Variants in FIGNL2 observed in about 807,000 individuals in gnomAD.
The protein encoded by FIGNL2 is fidgetin like 2.
For synonymous variants in FIGNL2, 565 were observed against 484.0 expected (o/e 1.17, Z -2.20); for missense variants, 1,060 against 950.2 (o/e 1.12, Z -1.52).
Position 51,820,940 on chromosome 12 carries a change from C to G in FIGNL2, c.1474G>C (p.Glu492Gln). The change falls in exon 2 of 2, where the codon GAG becomes CAG. Residue 492 changes from glutamate to glutamine, a missense_variant. Coordinates refer to ENST00000618634, the MANE Select transcript of FIGNL2 (RefSeq NM_001384995.1). ...CGGGCGGGGAGCAGCGCCTCTAGCT[C>G]GCTGATGAGGAGTACGGAGGGTGGG... ...CRPPSVLLIS[E>Q]LEALLPARDD... is the part of the protein sequence containing the mutation. The G allele has an allele frequency of 1.5e-6, 2 of 1,305,682 alleles. No homozygotes were observed. Among genetic ancestry groups the G allele is most frequent in the Non-Finnish European group, 1.9e-6 (2 of 1,035,326 alleles). The allele number at this position is 1,305,682 out of a possible 1,614,324, so 80.9% of individuals were successfully genotyped here.
chr12:51,821,853 G>A lies in FIGNL2; in HGVS notation c.561C>T (p.Leu187=). The change falls in exon 2 of 2, where the codon CTC becomes CTT. Residue 187 remains leucine, a synonymous_variant. Transcript: ENST00000618634. ...ACCCCGGAGGCGGTGGGGGCTGCAG[G>A]AGCGCGGCCGGGGGCGGCGGGGGCA... ...AALPPPPPAA[L]LQPPPPPGYG... is the part of the protein sequence containing the mutation. 7.7e-7 allele frequency: 1 copy of A among 1,293,626 alleles called. No homozygotes were observed. Among genetic ancestry groups the A allele is most frequent in the Non-Finnish European group, 9.8e-7 (1 of 1,023,906 alleles). The allele number at this position is 1,293,626 out of a possible 1,614,324, so 80.1% of individuals were successfully genotyped here. A position where few individuals can be genotyped will look rare whatever the true frequency, so the allele number is the denominator to read the frequency against.
At chr12:51,835,918 C>T (rs984873808) in intron 1 of FIGNL2, among the ~76,000 whole-genome samples, 1 of 151,906 alleles carries the variant, frequency 6.6e-6, no homozygotes, top group African/African-American at 2.4e-5. Context: ...GTGATTGATT[C>T]TCCTGCCTCA....
chr12:51,820,782 C>T lies in FIGNL2; in HGVS notation c.1632G>A (p.Ala544=), dbSNP rs1025569199. ...AGCGGAGAGAGAAGCGCCGGCGGGT[C>T]GCCTCGTCCAGAGCCGCGGGCCGCG... ...TTSRPAALDE[A]TRRRFSLRFY... The change falls in exon 2 of 2, where the codon GCG becomes GCA. Residue 544 remains alanine, a synonymous_variant. Coordinates refer to ENST00000618634, the MANE Select transcript of FIGNL2 (RefSeq NM_001384995.1). The T allele has an allele frequency of 2.0e-6, 3 of 1,479,864 alleles. No homozygotes were observed. Among genetic ancestry groups the T allele is most frequent in the African/African-American group, 2.9e-5 (2 of 68,264 alleles). The allele number at this position is 1,479,864 out of a possible 1,614,324, so 91.7% of individuals were successfully genotyped here. A position where few individuals can be genotyped will look rare whatever the true frequency, so the allele number is the denominator to read the frequency against.
At chr12:51,834,214 C>T (rs1344721947) in intron 1 of FIGNL2, among the ~76,000 whole-genome samples, 1 of 150,514 alleles carries the variant, frequency 6.6e-6, no homozygotes, top group Non-Finnish European at 1.5e-5. Context: ...TTTGAGTGTA[C>T]ATGTGATGGT....
In FIGNL2 at chr12:51,844,812, G is replaced by A. The variant is rs187297664; in HGVS notation, c.-12+3728C>T. 10 of 985,424 alleles carry A rather than the reference G, an allele frequency of 1.0e-5. No homozygotes were observed. In the East Asian group the frequency reaches 6.8e-4, roughly 67 times the overall value. The allele number at this position is 985,424 out of a possible 1,614,324, so 61.0% of individuals were successfully genotyped here. ...ACCAGCCCAGACCCTGACCCAGCCA[G>A]TGTGAACTCTTCCCACTTAAAGGCT... On this transcript the variant is annotated intron_variant, in intron 1 of 1. Transcript: ENST00000618634.
chr12:51,823,679 C>T (rs1342447017), intron 1 of FIGNL2: 2 of 152,220 alleles, frequency 1.3e-5, no homozygotes, highest in Admixed American at 6.5e-5. Flanking sequence ...CACCCAGCAA[C>T]AGTCGATGCC....
At position 51,822,222 on chromosome 12, in the gene FIGNL2, T is replaced by A; in HGVS notation, c.192A>T (p.Ala64=). 1 of 1,611,698 alleles carries A rather than the reference T, an allele frequency of 6.2e-7. No individual in the cohort carries two copies. The highest frequency in any genetic ancestry group is 8.5e-7 in the Non-Finnish European group (1 of 1,179,034). ...AATCCAAGACCCCAGAGTACTTCTC[T>A]GCATAGCGCTTTAGGAGGTTGGAGG... ...LTASNLLKRY[A]EKYSGVLDSP... is the part of the protein sequence containing the mutation. The change falls in exon 2 of 2, where the codon GCA becomes GCT. Residue 64 remains alanine (A), a synonymous_variant. Coordinates refer to ENST00000618634, the MANE Select transcript of FIGNL2 (RefSeq NM_001384995.1).
intron 1 of FIGNL2, among the ~76,000 whole-genome samples, chr12:51,827,942 A>G (rs1565944391): frequency 1.3e-5 from 2 of 152,184 alleles, no homozygotes. Context: ...TCAGGGTCAC[A>G]TGGCTGTTAC....
rs191980705 is a variant in FIGNL2, at chr12:51,824,901, G to A, written c.-11-2477C>T. Among the ~76,000 whole-genome samples, 401 of 152,170 alleles carry A rather than the reference G, an allele frequency of 2.6e-3. 2 individuals carry two copies. The highest frequency in any genetic ancestry group is 9.2e-3 in the African/African-American group (382 of 41,508). ...TGTACTAAAAATACAAAAATTAGCC[G>A]GGCGTAGTGGCGGGTGCCTGTCATC... On this transcript the variant is annotated intron_variant, in intron 1 of 1. Coordinates refer to ENST00000618634, the MANE Select transcript of FIGNL2 (RefSeq NM_001384995.1).
In FIGNL2 at chr12:51,822,031, G is replaced by A. The variant is rs1041979252; in HGVS notation, c.383C>T (p.Ala128Val). The A allele has an allele frequency of 3.1e-6, 5 of 1,605,184 alleles. No individual in the cohort carries two copies. The East Asian group carries it at 9.0e-5, about 29-fold the overall frequency. ...GGCTAAAACTGGGGAGCCCCCCAGG[G>A]CCCCGGAACCGCCGCCACCGCCCGA... ...TKSGGGGGSGALGGSPVLAGN... is the reference protein window; with the variant it reads ...TKSGGGGGSGVLGGSPVLAGN... Residue 128 changes from alanine to valine, a missense_variant, in exon 2 of 2, where the codon GCC (alanine) becomes GTC (valine). By Grantham distance (64) the Ala-to-Val change is moderately conservative. Coordinates refer to ENST00000618634, the MANE Select transcript of FIGNL2 (RefSeq NM_001384995.1).
At chr12:51,834,570 G>T (rs1273574229) in intron 1 of FIGNL2, among the ~76,000 whole-genome samples, 1 of 152,230 alleles carries the variant, frequency 6.6e-6, no homozygotes, top group Non-Finnish European at 1.5e-5. Context: ...TGGGAGATGT[G>T]GTGAGGGGTG....
intron 1 of FIGNL2, among the ~76,000 whole-genome samples, chr12:51,822,715 G>T (rs534382820): frequency 6.6e-6 from 1 of 152,334 alleles, no homozygotes; most frequent in African/African-American, 2.4e-5. Flanking sequence ...TTTTTGTCCT[G>T]GCCACTCCAG....
At position 51,821,373 on chromosome 12, in the gene FIGNL2, C is replaced by G; in HGVS notation, c.1041G>C (p.Lys347Asn). Residue 347 changes from lysine (K) to asparagine (N), a missense_variant, in exon 2 of 2, where the codon AAG (lysine) becomes AAC (asparagine). Transcript: ENST00000618634. ...GAGGAGCCGGGGCCCGCTCCGGGAA[C>G]TTTTCAAAGGGCTCCAGTTGCGGGC... ...VYGPQLEPFE[K>N]FPERAPAPRG... 1 of 1,507,370 alleles carries G rather than the reference C, an allele frequency of 6.6e-7. No homozygotes were observed. Among genetic ancestry groups the G allele is most frequent in the South Asian group, 1.2e-5 (1 of 80,590 alleles). The allele number at this position is 1,507,370 out of a possible 1,614,324, so 93.4% of individuals were successfully genotyped here.
rs552970468 is a variant in FIGNL2 at position 51,824,853 on chromosome 12, G to A, written c.-11-2429C>T. 2.0e-5 allele frequency among the ~76,000 whole-genome samples: 3 copies of A among 152,308 alleles called. No individual in the cohort carries two copies. The East Asian group carries it at 5.8e-4, about 29-fold the overall frequency. ...GAGGTCAGAAATTCAAGACCAGCTT[G>A]GCCAACATGGTGAAACACCGTCTGT... On this transcript the variant is annotated intron_variant, in intron 1 of 1. Transcript: ENST00000618634.
At chr12:51,836,540 A>G (rs756609090) in intron 1 of FIGNL2, among the ~76,000 whole-genome samples, 28 of 152,160 alleles carry the variant, frequency 1.8e-4, no homozygotes, top group Non-Finnish European at 3.7e-4. Flanking sequence ...GGCCTGGGCT[A>G]AAGTGAGTCT....
chr12:51,848,619 G>A lies in FIGNL2; in HGVS notation c.-91C>T. 2 of 826,584 alleles carry A rather than the reference G, an allele frequency of 2.4e-6. No homozygotes were observed. Among genetic ancestry groups the A allele is most frequent in the Non-Finnish European group, 2.9e-6 (2 of 685,474 alleles). 51.2% of individuals were successfully genotyped at this position (826,584 alleles called of 1,614,324 possible). On this transcript the variant is annotated 5_prime_UTR_variant, in exon 1 of 2. Transcript: ENST00000618634. ...GCCCGGGGACCGGGGCGGCGGCGCGGGCCGGGGGCGACAGGCCTGGGCTGG... is the reference window on the plus strand; with the variant it reads ...GCCCGGGGACCGGGGCGGCGGCGCGAGCCGGGGGCGACAGGCCTGGGCTGG...
chr12:51,828,591 C>G (rs1367681760), intron 1 of FIGNL2: 1 of 152,246 alleles, frequency 6.6e-6, no homozygotes. Flanking sequence ...GCCTTCACAG[C>G]TGGCCAGAAC....
At position 51,821,902 on chromosome 12, in the gene FIGNL2, T is replaced by C; in HGVS notation, c.512A>G (p.Tyr171Cys). 6.9e-7 allele frequency: 1 copy of C among 1,453,690 alleles called. No homozygotes were observed. Among genetic ancestry groups the C allele is most frequent in the Non-Finnish European group, 9.0e-7 (1 of 1,108,800 alleles). 90.0% of individuals were successfully genotyped at this position (1,453,690 alleles called of 1,614,324 possible). The change falls in exon 2 of 2, where the codon TAC (tyrosine) becomes TGC (cysteine). Residue 171 changes from tyrosine to cysteine, a missense_variant. Tyr to Cys is a radical substitution (Grantham distance 194). Coordinates refer to ENST00000618634, the MANE Select transcript of FIGNL2 (RefSeq NM_001384995.1). ...GYGGGYLAPGYCAQTGAALPP... is the reference protein window; with the variant it reads ...GYGGGYLAPGCCAQTGAALPP... ...CAGCGCGGCGCCCGTCTGCGCGCAG[T>C]AACCCGGCGCCAGGTACCCCCCGCC...
chr12:51,821,640 A>G lies in FIGNL2; in HGVS notation c.774T>C (p.Gly258=), dbSNP rs1204550881. ...GCTTCAGCGACAGCCCGGATTCGGCACCCGGCGCGGCCGTGGGGAAGCCAT... is the reference window on the plus strand; with the variant it reads ...GCTTCAGCGACAGCCCGGATTCGGCGCCCGGCGCGGCCGTGGGGAAGCCAT... ...TAYGFPTAAP[G]AESGLSLKRK... is the part of the protein sequence containing the mutation. Residue 258 remains glycine, a synonymous_variant, in exon 2 of 2, where the codon GGT becomes GGC. Coordinates refer to ENST00000618634, the MANE Select transcript of FIGNL2 (RefSeq NM_001384995.1). 6.8e-7 allele frequency: 1 copy of G among 1,478,360 alleles called. No homozygotes were observed. The highest frequency in any genetic ancestry group is 8.9e-7 in the Non-Finnish European group (1 of 1,120,960). The allele number at this position is 1,478,360 out of a possible 1,614,324, so 91.6% of individuals were successfully genotyped here.
Sources: gnomAD v4.1 joint callset for allele counts (sites outside exome capture counted in the v4.1 genomes callset) on GRCh38, gnomAD v4.1.1 for gene constraint, MANE v1.5 for transcripts, NCBI Gene and HGNC (gene_info 2026-07-23, HGNC 2026-07-21) for gene names.